Variants in ADAMTS7 observed in about 807,000 individuals in gnomAD.
ADAMTS7 encodes the protein A disintegrin and metalloproteinase with thrombospondin motifs 7.
A neutral mutation model predicts 172.6 loss-of-function variants in ADAMTS7; 89 were observed. That is an observed-to-expected ratio of 0.52 (90% CI 0.43 to 0.61). The LOEUF is 0.61. Among genes scored for constraint, ADAMTS7 ranks in the 20% least tolerant of loss-of-function variants. The pLI is 0.00. For synonymous variants in ADAMTS7, 885 were observed against 978.4 expected, an observed-to-expected ratio of 0.90 and a Z score of 1.78; for missense variants, 1,973 against 2,355.6, an observed-to-expected ratio of 0.84 and a Z score of 3.36.
intron 1 of ADAMTS7, among the ~76,000 whole-genome samples, chr15:78,802,012 T>G (rs1264543846): frequency 6.6e-6 from 1 of 152,004 alleles, no homozygotes; most frequent in Non-Finnish European, 1.5e-5. Flanking sequence ...TTTTTATTTT[T>G]TTTTGTAGAG....
chr15:78,788,332 G>A lies in ADAMTS7; in HGVS notation c.1221C>T (p.Pro407=), dbSNP rs1229204364. 6.9e-5 allele frequency: 111 copies of A among 1,613,322 alleles called. No individual in the cohort carries two copies. Among genetic ancestry groups the A allele is most frequent in the Non-Finnish European group, 8.4e-5 (99 of 1,180,002 alleles). ...ACATGATGAAAGGTCGTTTCCCAAC[G>A]GGCTCACAGTCATTGCCGCTTCCGT... ...QHDGSGNDCE[P]VGKRPFIMSP... is the part of the protein sequence containing the mutation. The change falls in exon 8 of 24, where the codon CCC becomes CCT. Residue 407 remains proline (P), a synonymous_variant. Coordinates refer to ENST00000388820, the MANE Select transcript of ADAMTS7 (RefSeq NM_014272.5).
In ADAMTS7 at chr15:78,788,331, C is replaced by A. The variant is rs374896426; in HGVS notation, c.1222G>T (p.Val408Phe). 3.1e-6 allele frequency: 5 copies of A among 1,613,462 alleles called. No homozygotes were observed. The highest frequency in any genetic ancestry group is 3.4e-6 in the Non-Finnish European group (4 of 1,180,004). ...GACATGATGAAAGGTCGTTTCCCAA[C>A]GGGCTCACAGTCATTGCCGCTTCCG... Reference protein sequence around the residue: ...HDGSGNDCEPVGKRPFIMSPQ... With the variant: ...HDGSGNDCEPFGKRPFIMSPQ... Residue 408 changes from valine to phenylalanine, a missense_variant, in exon 8 of 24, where the codon GTT (valine) becomes TTT (phenylalanine). Val to Phe is a conservative substitution (Grantham distance 50). This residue lies in a region of ADAMTS7 where 526 missense variants were observed against 662.9 expected (regional missense o/e 0.79). Transcript: ENST00000388820.
rs1214183249 is a variant in ADAMTS7, at chr15:78,771,422, A to G, written c.2377-119T>C. 1.3e-6 allele frequency: 2 copies of G among 1,558,928 alleles called. No homozygotes were observed. Among genetic ancestry groups the G allele is most frequent in the Non-Finnish European group, 1.7e-6 (2 of 1,149,878 alleles). On this transcript the variant is annotated intron_variant, in intron 15 of 23. Coordinates refer to ENST00000388820, the MANE Select transcript of ADAMTS7 (RefSeq NM_014272.5). The surrounding 1 kb of genome is among the most constrained non-coding windows in gnomAD (Gnocchi z 4.9). ...GCTACAAGATTGGGCCATTTTAAAGATGGGGAAACTGAGGTAGAGGCCGCA... is the reference window on the plus strand; with the variant it reads ...GCTACAAGATTGGGCCATTTTAAAGGTGGGGAAACTGAGGTAGAGGCCGCA...
chr15:78,760,268 G>A (rs566037675), intron 23 of ADAMTS7, among the ~76,000 whole-genome samples: 45 of 152,284 alleles, frequency 3.0e-4, no homozygotes, highest in South Asian at 1.2e-3. Context: ...CTCCTGCCCC[G>A]TGGTTATCAG....
rs145812963 is a variant in ADAMTS7 at position 78,776,562 on chromosome 15, G to A, written c.1560+187C>T. On this transcript the variant is annotated intron_variant, in intron 10 of 23. Transcript: ENST00000388820. ...GCTGACTCAGCTGAAGACACCCTGGGGAATCATGGAATCAAGCCCTGGCCC... is the reference window on the plus strand; with the variant it reads ...GCTGACTCAGCTGAAGACACCCTGGAGAATCATGGAATCAAGCCCTGGCCC... The A allele has an allele frequency of 7.1e-3, 5,724 of 810,472 alleles. 31 individuals carry two copies. The highest frequency in any genetic ancestry group is 9.0e-3 in the South Asian group (495 of 55,210). The allele number at this position is 810,472 out of a possible 1,614,324, so 50.2% of individuals were successfully genotyped here.
chr15:78,800,716 C>G (rs1439960679), intron 1 of ADAMTS7, among the ~76,000 whole-genome samples, 169 bp from the exon 2 acceptor site: 4 of 152,232 alleles, frequency 2.6e-5, no homozygotes. Context: ...TTCCGTGCCT[C>G]AGTTTCTCCA....
chr15:78,768,168 T>C lies in ADAMTS7; in HGVS notation c.2610A>G (p.Gln870=). The C allele has an allele frequency of 6.4e-7, 1 of 1,573,488 alleles. No individual in the cohort carries two copies. The highest frequency in any genetic ancestry group is 8.6e-7 in the Non-Finnish European group (1 of 1,163,840). ...HCDPLGRPDD[Q]QRKCSEQPCP... is the part of the protein sequence containing the mutation. ...AGGGCTGCTCGCTGCACTTCCTCTG[T>C]TGGTCATCAGGCCGGCCCAGGGGGT... Residue 870 remains glutamine, a synonymous_variant, in exon 17 of 24, where the codon CAA becomes CAG. Transcript: ENST00000388820.
intron 1 of ADAMTS7, among the ~76,000 whole-genome samples, chr15:78,800,891 C>T (rs749993004): frequency 3.3e-5 from 5 of 152,156 alleles, no homozygotes; most frequent in Non-Finnish European, 7.3e-5. Flanking sequence ...CAGGCACACG[C>T]GACCACGCCC....
chr15:78,765,113 C>A (rs117541407), intron 19 of ADAMTS7: 8,410 of 210,934 alleles, frequency 0.04, 192 homozygotes, highest in Middle Eastern at 0.054. Context: ...GCCCTGTGGG[C>A]CTCAGCCTGC....
intron 23 of ADAMTS7, 114 bp from the exon 24 acceptor site, chr15:78,759,692 C>A (rs1438098186): frequency 1.2e-5 from 15 of 1,297,946 alleles, no homozygotes; most frequent in South Asian, 1.7e-5. Flanking sequence ...AAGCAGAGAG[C>A]CCCAGTTTCT....
chr15:78,811,139 C>T lies in ADAMTS7; in HGVS notation c.82G>A (p.Ala28Thr), dbSNP rs1026305464. 18 of 1,229,220 alleles carry T rather than the reference C, an allele frequency of 1.5e-5. 1 individual carries two copies. The African/African-American group carries it at 2.0e-4, about 14-fold the overall frequency. 76.1% of individuals were successfully genotyped at this position (1,229,220 alleles called of 1,614,324 possible). A position where few individuals can be genotyped will look rare whatever the true frequency, so the allele number is the denominator to read the frequency against. Reference protein sequence around the residue: ...LLLLCALAPGAPGPAPGRATE... With the variant: ...LLLLCALAPGTPGPAPGRATE... ...CACCCACCTGGTGCGGGTCCGGGGG[C>T]GCCGGGAGCCAGAGCGCAGAGGAGC... is the stretch of plus-strand genomic sequence containing the variant. The change falls in exon 1 of 24, where the codon GCC becomes ACC. Residue 28 changes from alanine (A) to threonine (T), a missense_variant. Ala to Thr is a moderately conservative substitution (Grantham distance 58). This residue lies in a region of ADAMTS7 where 306 missense variants were observed against 288.0 expected (regional missense o/e 1.06). Coordinates refer to ENST00000388820, the MANE Select transcript of ADAMTS7 (RefSeq NM_014272.5).
chr15:78,792,649 C>T (rs574746570), intron 4 of ADAMTS7, among the ~76,000 whole-genome samples: 50 of 152,256 alleles, frequency 3.3e-4, no homozygotes, highest in African/African-American at 1.1e-3. Flanking sequence ...CCCGTCTCTA[C>T]TAAAAATACA....
At chr15:78,789,975 C>A in intron 6 of ADAMTS7, 137 bp from the exon 7 acceptor site, 16 of 1,275,398 alleles carry the variant, frequency 1.3e-5, no homozygotes, top group Non-Finnish European at 1.7e-5. Flanking sequence ...GACATGAGGC[C>A]AGCACGGTGG....
In ADAMTS7 at chr15:78,800,483, G is replaced by A. The variant is rs1345075204; in HGVS notation, c.165C>T (p.Gly55=). The change falls in exon 2 of 24, where the codon GGC becomes GGT. Residue 55 remains glycine, a synonymous_variant. Coordinates refer to ENST00000388820, the MANE Select transcript of ADAMTS7 (RefSeq NM_014272.5). ...GCCACAGCTCGTAGGACAGGAAGGA[G>A]CCCCCCGCGTCGACTCGAACCGGGT... The part of the protein sequence containing the change: ...IVHPVRVDAG[G]SFLSYELWPR... 1 of 1,610,040 alleles carries A rather than the reference G, an allele frequency of 6.2e-7. No homozygotes were observed. The highest frequency in any genetic ancestry group is 8.5e-7 in the Non-Finnish European group (1 of 1,178,828).
rs142242366 is a variant in ADAMTS7 at position 78,768,968 on chromosome 15, G to A, written c.2519-709C>T. The stretch of plus-strand genomic sequence containing the variant: ...GGTGAAGGGCATGAGGCCAGGTGGC[G>A]CAGGATGAAGTCAACCTCATTGAAG... On this transcript the variant is annotated intron_variant, in intron 16 of 23. Coordinates refer to ENST00000388820, the MANE Select transcript of ADAMTS7 (RefSeq NM_014272.5). Among the ~76,000 whole-genome samples the A allele has an allele frequency of 1.1e-3, 174 of 152,290 alleles. 1 individual carries two copies. The highest frequency in any genetic ancestry group is 4.0e-3 in the African/African-American group (168 of 41,560).
Position 78,793,401 on chromosome 15 carries a change from T to C in ADAMTS7, c.820-2178A>G, listed in dbSNP as rs74445643. ...CAGAGTCTCACTTTGTCACTCAAGA[T>C]GGAGTGCAGTTGCATGATCTCGGCT... is the stretch of plus-strand genomic sequence containing the variant. On this transcript the variant is annotated intron_variant, in intron 4 of 23. Coordinates refer to ENST00000388820, the MANE Select transcript of ADAMTS7 (RefSeq NM_014272.5). Among the ~76,000 whole-genome samples the C allele has an allele frequency of 6.6e-5, 10 of 151,838 alleles. No homozygotes were observed. The East Asian group carries it at 1.7e-3, about 26-fold the overall frequency.
intron 11 of ADAMTS7, among the ~76,000 whole-genome samples, chr15:78,775,144 G>C (rs952232299): frequency 2.0e-5 from 3 of 152,190 alleles, no homozygotes; most frequent in African/African-American, 7.2e-5. Flanking sequence ...ACAAGCTGCA[G>C]GCATGACTAG....
At chr15:78,770,885 G>C (rs367971892) in intron 16 of ADAMTS7, 1 of 487,126 alleles carries the variant, frequency 2.1e-6, no homozygotes, top group Non-Finnish European at 3.7e-6. Flanking sequence ...CTGGTCTATC[G>C]AGGGGGAGCT....
chr15:78,797,883 T>C, intron 3 of ADAMTS7, 65 bp downstream of exon 3: 1 of 1,545,148 alleles, frequency 6.5e-7, no homozygotes, highest in Non-Finnish European at 8.7e-7. Context: ...GGGGGGCTTC[T>C]AGAAAGGCCC....
Sources: allele counts gnomAD v4.1 joint callset (sites outside exome capture counted in the v4.1 genomes callset), GRCh38; gene constraint gnomAD v4.1.1; regional missense constraint gnomAD v4.1.1; non-coding constraint Gnocchi (gnomAD v3.1); transcripts MANE v1.5; gene names NCBI Gene and HGNC (gene_info 2026-07-23, HGNC 2026-07-21).